TLL2: variants seen among roughly 807,000 people sequenced by gnomAD.
TLL2 encodes the protein tolloid-like protein 2.
A neutral mutation model predicts 123.0 loss-of-function variants in TLL2; 106 were observed. The observed-to-expected ratio is 0.86, with a 90% CI of 0.74 to 1.01. The LOEUF (loss-of-function observed/expected upper bound fraction) is 1.01. Ranked by LOEUF, TLL2 falls within the 50% of genes least tolerant of loss-of-function variation. TLL2 has a pLI of 0.00. For missense variants in TLL2, 1,332 were observed against 1,336.7 expected, an observed-to-expected ratio of 1.00 and a Z score of 0.06; for synonymous variants, 494 against 516.8, an observed-to-expected ratio of 0.96 and a Z score of 0.60.
intron 2 of TLL2, among the ~76,000 whole-genome samples, chr10:96,460,006 A>T (rs1181178000): frequency 9.7e-6 from 1 of 103,392 alleles, no homozygotes; most frequent in Non-Finnish European, 2.3e-5. Context: ...CTTCAGTAAG[A>T]ATAATTTTTT....
chr10:96,473,152 G>C (rs879445082), intron 2 of TLL2, among the ~76,000 whole-genome samples: 4 of 152,166 alleles, frequency 2.6e-5, no homozygotes, highest in Admixed American at 6.5e-5. Flanking sequence ...CAAAGGGTCT[G>C]TGGGTAAAGA....
At chr10:96,406,278 A>G (rs1403043982) in intron 9 of TLL2, among the ~76,000 whole-genome samples, 1 of 151,960 alleles carries the variant, frequency 6.6e-6, no homozygotes, top group African/African-American at 2.4e-5. Context: ...ACCCCCACGC[A>G]AGTTCCACTA....
intron 1 of TLL2, among the ~76,000 whole-genome samples, chr10:96,497,523 T>C (rs1847489101): frequency 6.6e-6 from 1 of 152,158 alleles, no homozygotes; most frequent in African/African-American, 2.4e-5. Context: ...GAAGAGATCT[T>C]GGCAGACCCT....
At chr10:96,369,190 G>A (rs1181734348) in intron 20 of TLL2, among the ~76,000 whole-genome samples, 1 of 152,172 alleles carries the variant, frequency 6.6e-6, no homozygotes, top group Admixed American at 6.5e-5. Flanking sequence ...CCAGGGGAGT[G>A]ACTGGGACAC....
At position 96,378,986 on chromosome 10, in the gene TLL2, A is replaced by G. The variant is rs1364654667; in HGVS notation, c.2301T>C (p.Asn767=). ...RCRNGYWLHE[N]GHDCKEAGCA... is the part of the protein sequence containing the mutation. ...CCTCACCCTCTTTGCAGTCATGCCCATTCTCGTGGAGCCAGTAGCCGTTTC... is the reference window on the plus strand; with the variant it reads ...CCTCACCCTCTTTGCAGTCATGCCCGTTCTCGTGGAGCCAGTAGCCGTTTC... Residue 767 remains asparagine, a synonymous_variant, in exon 17 of 21, where the codon AAT becomes AAC. Coordinates refer to ENST00000357947, the MANE Select transcript of TLL2 (RefSeq NM_012465.4). 12 of 1,614,144 alleles carry G rather than the reference A, an allele frequency of 7.4e-6. No homozygotes were observed. Among genetic ancestry groups the G allele is most frequent in the Non-Finnish European group, 9.3e-6 (11 of 1,179,994 alleles).
At chr10:96,477,032 C>CTTTTTTTTTTTTTTTTTTTT (rs10615764) in intron 2 of TLL2, among the ~76,000 whole-genome samples, 1 of 110,842 alleles carries the variant, frequency 9.0e-6, no homozygotes, top group Non-Finnish European at 1.8e-5. Context: ...AGCTACTGGA[C>CTTTTTTTTTTTTTTTTTTTT]TTTTTTTTTT....
In TLL2 at chr10:96,370,098, T is replaced by C. The variant is rs1164584068; in HGVS notation, c.2880A>G (p.Ser960=). The C allele has an allele frequency of 4.3e-6, 7 of 1,609,836 alleles. No homozygotes were observed. In the African/African-American group the frequency reaches 5.3e-5, roughly 12 times the overall value. ...YMEAYDGYDS[S]APRLGRFCGS... ...CACAGAAGCGGCCGAGCCTGGGCGC[T>C]GAGCTGTCGTAGCCGTCGTAGGCTT... Residue 960 remains serine (S), a synonymous_variant, in exon 20 of 21, where the codon TCA becomes TCG. Coordinates refer to ENST00000357947, the MANE Select transcript of TLL2 (RefSeq NM_012465.4).
In TLL2 at chr10:96,370,292, C is replaced by T. The variant is rs61743691; in HGVS notation, c.2686G>A (p.Glu896Lys). The change falls in exon 20 of 21, where the codon GAA becomes AAA. Residue 896 changes from glutamate (E) to lysine (K), a missense_variant. Coordinates refer to ENST00000357947, the MANE Select transcript of TLL2 (RefSeq NM_012465.4). ...STECGGRLKAEVQTKELYSHA... is the reference protein window; with the variant it reads ...STECGGRLKAKVQTKELYSHA... ...GAATAGAGCTCTTTGGTCTGCACTT[C>T]AGCCTTCAGCCTGCCCCCGCACTCT... is the stretch of plus-strand genomic sequence containing the variant. The T allele has an allele frequency of 1.5e-5, 24 of 1,590,542 alleles. 1 individual carries two copies. Among genetic ancestry groups the T allele is most frequent in the Non-Finnish European group, 1.5e-5 (18 of 1,166,978 alleles).
At position 96,376,819 on chromosome 10, in the gene TLL2, G is replaced by T. The variant is rs758228429; in HGVS notation, c.2321C>A (p.Ala774Asp). 1 of 1,524,290 alleles carries T rather than the reference G, an allele frequency of 6.6e-7. No homozygotes were observed. The highest frequency in any genetic ancestry group is 8.8e-7 in the Non-Finnish European group (1 of 1,139,520). The allele number at this position is 1,524,290 out of a possible 1,614,324, so 94.4% of individuals were successfully genotyped here. ...ACTGCTGATCTTGTGTGCACAGCCA[G>T]CTGGGGGTGGCAGGGGGACACATAC... ...LHENGHDCKE[A>D]GCAHKISSVE... The change falls in exon 18 of 21, where the codon GCT becomes GAT. Residue 774 changes from alanine (A) to aspartate (D), a missense_variant and splice_region_variant. Transcript: ENST00000357947.
At chr10:96,397,090 C>T (rs1846349486) in intron 11 of TLL2, 96 bp downstream of exon 11, 4 of 1,158,844 alleles carry the variant, frequency 3.5e-6, no homozygotes, top group Non-Finnish European at 4.9e-6. Flanking sequence ...GTGGCTCTGG[C>T]CTGGAGTGTC....
rs144317339 is a variant in TLL2, at chr10:96,452,172, C to T, written c.287-6004G>A. 3.9e-5 allele frequency among the ~76,000 whole-genome samples: 6 copies of T among 152,226 alleles called. No homozygotes were observed. The East Asian group carries it at 5.8e-4, about 15-fold the overall frequency. On this transcript the variant is annotated intron_variant, in intron 2 of 20. Coordinates refer to ENST00000357947, the MANE Select transcript of TLL2 (RefSeq NM_012465.4). ...TTAACAATAAATAATGAGATCATTT[C>T]GTGGGATTAAGCACTTTGAGGAAAT...
intron 1 of TLL2, among the ~76,000 whole-genome samples, chr10:96,484,630 C>CACACACA (rs1554940442): frequency 6.9e-6 from 1 of 144,408 alleles, no homozygotes; most frequent in Non-Finnish European, 1.5e-5. Flanking sequence ...CACACACACA[C>CACACACA]CATGGCTTTC....
At chr10:96,427,666 CTTTT>C (rs1345555082) in intron 5 of TLL2, among the ~76,000 whole-genome samples, 1 of 152,218 alleles carries the variant, frequency 6.6e-6, no homozygotes, top group Non-Finnish European at 1.5e-5. Context: ...TCCCAGCTTT[CTTTT>C]TGTTAGCATT....
chr10:96,380,692 CAAAAAAAAAAAAAA>C lies in TLL2; in HGVS notation c.2195-1614_2195-1601del, dbSNP rs57395382. Among the ~76,000 whole-genome samples, 142 of 53,118 alleles carry C rather than the reference CAAAAAAAAAAAAAA, an allele frequency of 2.7e-3. 2 individuals are homozygous for C. Among genetic ancestry groups the C allele is most frequent in the Admixed American group, 6.5e-3 (23 of 3,528 alleles). 34.8% of individuals were successfully genotyped at this position (53,118 alleles called of 152,430 possible). A position where few individuals can be genotyped will look rare whatever the true frequency, so the allele number is the denominator to read the frequency against. On this transcript the variant is annotated intron_variant, in intron 16 of 20. Coordinates refer to ENST00000357947, the MANE Select transcript of TLL2 (RefSeq NM_012465.4). ...TGGGCGACAGAGCGAGACTCTATCT[CAAAAAAAAAAAAAA>C]AAAAAAAAAAAAAAAAAGAATGCAG... is the stretch of plus-strand genomic sequence containing the variant.
At chr10:96,476,240 A>ATATATATATATATTTTTTT in intron 2 of TLL2, among the ~76,000 whole-genome samples, 1 of 20,498 alleles carries the variant, frequency 4.9e-5, no homozygotes, top group Non-Finnish European at 1.0e-4. Flanking sequence ...ATATATATAT[A>ATATATATATATATTTTTTT]TTTTATTTTT....
In TLL2 at chr10:96,480,368, C is replaced by T; in HGVS notation, c.267G>A (p.Gly89=). ...KARDWTKQTV[G]ATGHSTGGLE... ...ACCTACCTGTGCTGTGTCCTGTTGC[C>T]CCCACTGTCTGCTTGGTCCAGTCTC... Residue 89 remains glycine, a synonymous_variant, in exon 2 of 21, where the codon GGG becomes GGA. Coordinates refer to ENST00000357947, the MANE Select transcript of TLL2 (RefSeq NM_012465.4). The T allele has an allele frequency of 1.2e-6, 2 of 1,614,138 alleles. No homozygotes were observed. The highest frequency in any genetic ancestry group is 1.1e-5 in the South Asian group (1 of 91,086).
At chr10:96,468,069 C>T (rs1463022198) in intron 2 of TLL2, among the ~76,000 whole-genome samples, 1 of 152,184 alleles carries the variant, frequency 6.6e-6, no homozygotes. Context: ...AGCTGGGCTA[C>T]CCCGGGGGTC....
At chr10:96,498,706 TTC>T (rs1216956882) in intron 1 of TLL2, among the ~76,000 whole-genome samples, 4 of 152,210 alleles carry the variant, frequency 2.6e-5, no homozygotes, top group African/African-American at 9.7e-5. Flanking sequence ...AAGAAGCTGG[TTC>T]TCACACATTC....
At chr10:96,376,541 G>T in intron 18 of TLL2, 151 bp downstream of exon 18, 1 of 815,166 alleles carries the variant, frequency 1.2e-6, no homozygotes, top group Non-Finnish European at 1.9e-6. Context: ...GGCTTCATTA[G>T]TATCCATGTT....
Sources: allele counts gnomAD v4.1 joint callset (sites outside exome capture counted in the v4.1 genomes callset), GRCh38; gene constraint gnomAD v4.1.1; transcripts MANE v1.5; gene names NCBI Gene and HGNC (gene_info 2026-07-23, HGNC 2026-07-21).